MKLN1: variants seen among roughly 807,000 people sequenced by gnomAD.
MKLN1 encodes the protein muskelin 1.
In MKLN1, 18 loss-of-function variants were observed where a neutral mutation model predicts 99.0. The ratio of observed to expected loss-of-function variants is 0.18; its 90% CI spans 0.13 to 0.27. MKLN1 has a LOEUF of 0.27. Ranked by LOEUF, MKLN1 falls within the 10% of genes least tolerant of loss-of-function variation. The pLI is 1.00. For missense variants in MKLN1, 621 were observed against 875.9 expected, an observed-to-expected ratio of 0.71 and a Z score of 3.67; for synonymous variants, 288 against 293.2, an observed-to-expected ratio of 0.98 and a Z score of 0.18.
chr7:131,208,791 T>C (rs6943163), intron 3 of MKLN1, among the ~76,000 whole-genome samples: 69,275 of 151,962 alleles, frequency 0.46, 16,025 homozygotes, highest in East Asian at 0.69. Flanking sequence ...CCAGCTCTCA[T>C]GGAGCTTATA....
At chr7:131,350,362 C>T (rs772028090) in intron 1 of MKLN1, among the ~76,000 whole-genome samples, 24 of 151,830 alleles carry the variant, frequency 1.6e-4, no homozygotes, top group African/African-American at 5.1e-4. Flanking sequence ...ACCTGGCCTT[C>T]GTTATCTATT....
In MKLN1 at chr7:131,375,357, C is replaced by T. The variant is rs1422143327; in HGVS notation, c.99-67C>T. ...CATAACTTTATGATAATTTCAGCAT[C>T]TGGTAGATTATTCCTGTTTTTGCCT... On this transcript the variant is annotated intron_variant, in intron 1 of 17. Coordinates refer to ENST00000352689, the MANE Select transcript of MKLN1 (RefSeq NM_013255.5). 1.7e-5 allele frequency: 16 copies of T among 951,360 alleles called. No individual in the cohort carries two copies. In the East Asian group the frequency reaches 3.6e-4, roughly 22 times the overall value. 58.9% of individuals were successfully genotyped at this position (951,360 alleles called of 1,614,324 possible).
chr7:131,346,809 T>G (rs1327155471), intron 1 of MKLN1, among the ~76,000 whole-genome samples: 1 of 152,176 alleles, frequency 6.6e-6, no homozygotes. Flanking sequence ...ATGATGAAGA[T>G]CCCACAAAAG....
intron 2 of MKLN1, among the ~76,000 whole-genome samples, chr7:131,185,105 G>A (rs1307684963): frequency 6.6e-6 from 1 of 152,012 alleles, no homozygotes; most frequent in Non-Finnish European, 1.5e-5. Flanking sequence ...AGAATGCACC[G>A]TAATGCTCTG....
At chr7:131,400,678 A>C (rs1794514123) in intron 6 of MKLN1, among the ~76,000 whole-genome samples, 1 of 151,764 alleles carries the variant, frequency 6.6e-6, no homozygotes, top group South Asian at 2.1e-4. Context: ...AGGGAAAGCA[A>C]AACAACAGCC....
chr7:131,332,288 T>G (rs1358441673), intron 1 of MKLN1, among the ~76,000 whole-genome samples: 1 of 149,026 alleles, frequency 6.7e-6, no homozygotes, highest in African/African-American at 2.4e-5. Flanking sequence ...AATATATAAA[T>G]ATTTATATAT....
chr7:131,165,896 C>T (rs946393384), intron 2 of MKLN1, among the ~76,000 whole-genome samples: 2 of 152,188 alleles, frequency 1.3e-5, no homozygotes, highest in Admixed American at 1.3e-4. Flanking sequence ...AGTCAGATCG[C>T]TTGAGCCCAG....
chr7:131,259,456 G>A (rs1407521277), intron 3 of MKLN1, among the ~76,000 whole-genome samples: 2 of 152,048 alleles, frequency 1.3e-5, no homozygotes, highest in African/African-American at 2.4e-5. Context: ...CTGAGGTAAA[G>A]TAGTATGTGT....
chr7:131,199,093 C>A (rs973671430), intron 2 of MKLN1, among the ~76,000 whole-genome samples: 7 of 152,114 alleles, frequency 4.6e-5, no homozygotes, highest in African/African-American at 1.7e-4. Context: ...AGGTTCACCC[C>A]TGTAATCCCA....
At chr7:131,298,316 T>C (rs1409645271) in intron 3 of MKLN1, among the ~76,000 whole-genome samples, 1 of 152,060 alleles carries the variant, frequency 6.6e-6, no homozygotes, top group African/African-American at 2.4e-5. Context: ...TACTGAGATA[T>C]GAAAAAAATT....
At chr7:131,308,047 C>T (rs970423538) in intron 3 of MKLN1, among the ~76,000 whole-genome samples, 5 of 152,140 alleles carry the variant, frequency 3.3e-5, no homozygotes, top group African/African-American at 9.7e-5. Flanking sequence ...CCCCCATGCT[C>T]TTCTCATGAT....
intron 1 of MKLN1, among the ~76,000 whole-genome samples, chr7:131,330,063 G>T (rs1464236286): frequency 6.6e-6 from 1 of 152,180 alleles, no homozygotes; most frequent in Non-Finnish European, 1.5e-5. Context: ...GGAGAATATT[G>T]TGTCTGCTGG....
At chr7:131,192,042 G>A (rs865985776) in intron 2 of MKLN1, among the ~76,000 whole-genome samples, 67 of 109,276 alleles carry the variant, frequency 6.1e-4, no homozygotes, top group Middle Eastern at 5.0e-3. Flanking sequence ...ATGTGTGTGT[G>A]TATATGTATA....
chr7:131,213,775 G>T (rs76698692), intron 3 of MKLN1, among the ~76,000 whole-genome samples: 2 of 152,084 alleles, frequency 1.3e-5, no homozygotes, highest in Non-Finnish European at 2.9e-5. Context: ...TAAAAATTTT[G>T]CCAATTTATA....
intron 1 of MKLN1, among the ~76,000 whole-genome samples, chr7:131,359,998 C>T (rs1175912005): frequency 1.3e-5 from 2 of 152,168 alleles, no homozygotes; most frequent in Admixed American, 6.5e-5. Context: ...ATCCACCCGC[C>T]TCGGCCTCCC....
intron 1 of MKLN1, among the ~76,000 whole-genome samples, chr7:131,130,509 G>A (rs1411812096): frequency 1.3e-5 from 2 of 152,228 alleles, no homozygotes; most frequent in African/African-American, 4.8e-5. Context: ...AGTGGAGCCT[G>A]AGGTCATAAA....
At chr7:131,349,156 A>C (rs1364545706) in intron 1 of MKLN1, among the ~76,000 whole-genome samples, 1 of 152,108 alleles carries the variant, frequency 6.6e-6, no homozygotes, top group Non-Finnish European at 1.5e-5. Flanking sequence ...CATATAAATG[A>C]AGCCTTTGAG....
intron 3 of MKLN1, among the ~76,000 whole-genome samples, chr7:131,300,739 G>A (rs1399160070): frequency 6.6e-6 from 1 of 151,172 alleles, no homozygotes; most frequent in Non-Finnish European, 1.5e-5. Flanking sequence ...AATCTCTAGA[G>A]CGTGGCATTC....
At chr7:131,209,784 G>T (rs1242076963) in intron 3 of MKLN1, among the ~76,000 whole-genome samples, 1 of 152,150 alleles carries the variant, frequency 6.6e-6, no homozygotes, top group African/African-American at 2.4e-5. Context: ...GCAGCTAGGG[G>T]TGACTCATTT....
Sources: allele counts gnomAD v4.1 joint callset (sites outside exome capture counted in the v4.1 genomes callset), GRCh38; gene constraint gnomAD v4.1.1; transcripts MANE v1.5; gene names NCBI Gene and HGNC (gene_info 2026-07-23, HGNC 2026-07-21).